Variants in ERLIN1 observed in about 807,000 individuals in gnomAD.
ERLIN1 encodes the protein erlin-1.
ERLIN1 carries 24 observed loss-of-function variants against 46.9 expected under a neutral mutation model. That is an observed-to-expected ratio of 0.51 (90% confidence interval 0.37 to 0.72). The LOEUF (loss-of-function observed/expected upper bound fraction) is 0.72. Among genes scored for constraint, ERLIN1 ranks in the 30% least tolerant of loss-of-function variants. ERLIN1 has a pLI of 0.00. For synonymous variants in ERLIN1, 158 were observed against 143.2 expected (o/e 1.10, Z -0.74); for missense variants, 293 against 417.9 (o/e 0.70, Z 2.61).
At chr10:100,153,540 C>T (rs753957229) in intron 10 of ERLIN1, among the ~76,000 whole-genome samples, 3 of 152,200 alleles carry the variant, frequency 2.0e-5, no homozygotes, top group African/African-American at 7.2e-5. Context: ...CCTTCACAGT[C>T]CTACAGCATT....
chr10:100,170,580 T>G (rs1843934300), intron 6 of ERLIN1, among the ~76,000 whole-genome samples: 1 of 152,138 alleles, frequency 6.6e-6, no homozygotes, highest in Admixed American at 6.6e-5. Context: ...CTACTGCACA[T>G]GTCAAGGTTA....
At chr10:100,182,014 AATATATACACACACTATATTTGTTAT>A (rs1199433399) in intron 2 of ERLIN1, among the ~76,000 whole-genome samples, 6 of 152,014 alleles carry the variant, frequency 3.9e-5, no homozygotes, top group Non-Finnish European at 8.8e-5. Context: ...TTTATTATTA[AATATATACACACACTATATTTGTTAT>A]ATATATACAC....
chr10:100,166,901 T>C (rs2134135930), intron 7 of ERLIN1, among the ~76,000 whole-genome samples: 1 of 152,330 alleles, frequency 6.6e-6, no homozygotes, highest in South Asian at 2.1e-4. Flanking sequence ...GAACCAGGTC[T>C]AATTTTAGAT....
chr10:100,161,010 T>C lies in ERLIN1; in HGVS notation c.655+2994A>G, dbSNP rs112780275. On this transcript the variant is annotated intron_variant, in intron 8 of 10. Coordinates refer to ENST00000421367, the MANE Select transcript of ERLIN1 (RefSeq NM_006459.4). ...AAGCTCTCAGCAAGCAAAGTACAGATTGAAACTTTATTAACCAGTGTTAAG... is the reference window on the plus strand; with the variant it reads ...AAGCTCTCAGCAAGCAAAGTACAGACTGAAACTTTATTAACCAGTGTTAAG... Among the ~76,000 whole-genome samples, 5 of 152,186 alleles carry C rather than the reference T, an allele frequency of 3.3e-5. No homozygotes were observed. The South Asian group carries it at 6.2e-4, about 19-fold the overall frequency.
At chr10:100,174,510 A>G (rs111987017) in intron 5 of ERLIN1, among the ~76,000 whole-genome samples, 115 of 152,322 alleles carry the variant, frequency 7.5e-4, no homozygotes, top group African/African-American at 2.5e-3. Context: ...TGTTTATCCA[A>G]TAAGTTTACC....
rs1844499419 is a variant in ERLIN1 at position 100,179,345 on chromosome 10, T to C, written c.196-98A>G. On this transcript the variant is annotated intron_variant, in intron 2 of 10. Transcript: ENST00000421367. ...TCTCTGGAAAGCTGCTGACAGTAAG[T>C]ACAGCAGAGATCCATCACAATTTCA... The C allele has an allele frequency of 9.4e-6, 7 of 742,794 alleles. No homozygotes were observed. The Middle Eastern group carries it at 6.9e-4, about 73-fold the overall frequency. The allele number at this position is 742,794 out of a possible 1,614,324, so 46.0% of individuals were successfully genotyped here.
chr10:100,165,385 CTTTT>C (rs35096142), intron 7 of ERLIN1, among the ~76,000 whole-genome samples: 2 of 130,534 alleles, frequency 1.5e-5, no homozygotes, highest in Non-Finnish European at 1.6e-5. Flanking sequence ...CAGAAGCAAT[CTTTT>C]TTTTTTTTTT....
intron 2 of ERLIN1, among the ~76,000 whole-genome samples, chr10:100,183,040 G>T (rs897172297): frequency 2.0e-5 from 3 of 152,156 alleles, no homozygotes; most frequent in Admixed American, 2.0e-4. Context: ...AAGATTACAA[G>T]ATTAAATAAC....
At chr10:100,158,066 G>T (rs972752847) in intron 8 of ERLIN1, among the ~76,000 whole-genome samples, 1 of 152,184 alleles carries the variant, frequency 6.6e-6, no homozygotes, top group Non-Finnish European at 1.5e-5. Context: ...TCCCTGGGGT[G>T]GTTATTAGAC....
intron 8 of ERLIN1, among the ~76,000 whole-genome samples, chr10:100,161,911 C>CA (rs1463102984): frequency 6.6e-6 from 1 of 151,978 alleles, no homozygotes; most frequent in Non-Finnish European, 1.5e-5. Context: ...TACTCAACAC[C>CA]AAAATAAATT....
intron 2 of ERLIN1, among the ~76,000 whole-genome samples, chr10:100,180,094 T>C (rs1222713906): frequency 6.6e-6 from 1 of 152,232 alleles, no homozygotes; most frequent in Admixed American, 6.5e-5. Flanking sequence ...CCTATTCAGT[T>C]TCCTTTTTAA....
At chr10:100,155,837 A>G (rs1210964596) in intron 9 of ERLIN1, among the ~76,000 whole-genome samples, 1 of 152,144 alleles carries the variant, frequency 6.6e-6, no homozygotes, top group African/African-American at 2.4e-5. Flanking sequence ...ATTATCTTGT[A>G]TATTCTTTAC....
At position 100,156,212 on chromosome 10, in the gene ERLIN1, C is replaced by A. The variant is rs762266742; in HGVS notation, c.678G>T (p.Val226=). 6.2e-7 allele frequency: 1 copy of A among 1,612,432 alleles called. No individual in the cohort carries two copies. Among genetic ancestry groups the A allele is most frequent in the Non-Finnish European group, 8.5e-7 (1 of 1,178,634 alleles). The change falls in exon 9 of 11, where the codon GTG becomes GTT. Residue 226 remains valine (V), a synonymous_variant. Coordinates refer to ENST00000421367, the MANE Select transcript of ERLIN1 (RefSeq NM_006459.4). ...CTTTCTGCTGAAACCGAATTTTTGC[C>A]ACTTGTGCAATCTTCTCTGCTTCTA... ...AVIEAEKIAQ[V]AKIRFQQKVM... is the part of the protein sequence containing the mutation.
rs528018056 is a variant in ERLIN1 at position 100,178,001 on chromosome 10, C to T, written c.304+132G>A. 5.6e-5 allele frequency: 36 copies of T among 646,974 alleles called. No homozygotes were observed. The South Asian group carries it at 6.7e-4, about 12-fold the overall frequency. The allele number at this position is 646,974 out of a possible 1,614,324, so 40.1% of individuals were successfully genotyped here. A position where few individuals can be genotyped will look rare whatever the true frequency, so the allele number is the denominator to read the frequency against. On this transcript the variant is annotated intron_variant, in intron 4 of 10. Coordinates refer to ENST00000421367, the MANE Select transcript of ERLIN1 (RefSeq NM_006459.4). ...TTCTGACCTATTTTTGCCTCTATTC[C>T]CCAGAAATTTATTAATCAGTGATCA...
chr10:100,163,930 C>A, intron 8 of ERLIN1, 74 bp downstream of exon 8: 1 of 965,872 alleles, frequency 1.0e-6, no homozygotes. Context: ...TCCCATGATA[C>A]CCAAAATGAG....
At position 100,183,759 on chromosome 10, in the gene ERLIN1, C is replaced by A; in HGVS notation, c.192G>T (p.Val64=). 2 of 1,610,502 alleles carry A rather than the reference C, an allele frequency of 1.2e-6. No individual in the cohort carries two copies. The highest frequency in any genetic ancestry group is 1.7e-6 in the Non-Finnish European group (2 of 1,176,920). The change falls in exon 2 of 11, where the codon GTG becomes GTT. Residue 64 remains valine (V), a synonymous_variant. Transcript: ENST00000421367. ...GCTTCCCCTAGGAATCACTCACCTG[C>A]ACAGATCTGAACGTAGTAATGAAAG... ...MLPFITTFRS[V]QTTLQTDEVK...
At chr10:100,169,490 T>C (rs1843863845) in intron 6 of ERLIN1, among the ~76,000 whole-genome samples, 1 of 151,644 alleles carries the variant, frequency 6.6e-6, no homozygotes. Context: ...AAATGGTATA[T>C]AAATATATGG....
chr10:100,178,635 T>C (rs1193593050), intron 3 of ERLIN1, among the ~76,000 whole-genome samples: 4 of 152,200 alleles, frequency 2.6e-5, no homozygotes, highest in Non-Finnish European at 4.4e-5. Flanking sequence ...CTAAATTAGA[T>C]GGCATTTAAC....
At chr10:100,153,663 T>A (rs1485291688) in intron 10 of ERLIN1, among the ~76,000 whole-genome samples, 1 of 152,224 alleles carries the variant, frequency 6.6e-6, no homozygotes, top group Non-Finnish European at 1.5e-5. Flanking sequence ...CAACCACATT[T>A]CTTCCTCAAG....
Sources: gnomAD v4.1 joint callset for allele counts (sites outside exome capture counted in the v4.1 genomes callset) on GRCh38, gnomAD v4.1.1 for gene constraint, MANE v1.5 for transcripts, NCBI Gene and HGNC (gene_info 2026-07-23, HGNC 2026-07-21) for gene names.